Variants in YBEY observed in about 807,000 individuals in gnomAD.
YBEY encodes the protein ybeY metalloendoribonuclease.
YBEY carries 15 observed loss-of-function variants against 13.5 expected under a neutral mutation model. That is an observed-to-expected ratio of 1.11 (90% CI 0.75 to 1.72). The LOEUF is 1.72. Among genes scored for constraint, YBEY ranks in the 40% most tolerant of loss-of-function variants. YBEY has a pLI of 0.00. For missense variants in YBEY, 244 were observed against 208.4 expected, an observed-to-expected ratio of 1.17 and a Z score of -1.05; for synonymous variants, 101 against 83.1, an observed-to-expected ratio of 1.21 and a Z score of -1.17.
At chr21:46,312,171 A>C in the YBEY span, among the ~76,000 whole-genome samples, 1 of 152,126 alleles carries the variant, frequency 6.6e-6, no homozygotes, top group African/African-American at 2.4e-5. Flanking sequence ...ACACTGAATA[A>C]ATGGTTGAAT....
At position 46,292,543 on chromosome 21, in the gene YBEY, TGG is replaced by T. The variant is rs2081763283; in HGVS notation, c.339+1084_339+1085del. 2.7e-5 allele frequency among the ~76,000 whole-genome samples: 4 copies of T among 150,450 alleles called. 1 individual carries two copies. The highest frequency in any genetic ancestry group is 9.8e-5 in the African/African-American group (4 of 40,698). ...AGCTTGGCCTGTGCCCGGGACTGAGTGGGGACAGCCACGCAAGTTAAACTCTA... is the reference window on the plus strand; with the variant it reads ...AGCTTGGCCTGTGCCCGGGACTGAGTGGACAGCCACGCAAGTTAAACTCTA... On this transcript the variant is annotated intron_variant, in intron 3 of 4. Transcript: ENST00000397701.
chr21:46,300,639 C>T, downstream of YBEY: 1 of 1,232,464 alleles, frequency 8.1e-7, no homozygotes, highest in South Asian at 1.4e-5. Flanking sequence ...TCACACCTGC[C>T]CGTCCATGTC....
At chr21:46,302,616 G>A (rs4365550), downstream of YBEY, 50,529 of 1,383,772 alleles carry the variant, frequency 0.037, 1,629 homozygotes, top group Non-Finnish European at 0.041. Context: ...TAAAGTTTCC[G>A]TTTTTCCTAT....
At chr21:46,288,103 GCTT>G (rs146825386) in intron 2 of YBEY, among the ~76,000 whole-genome samples, 7,605 of 152,152 alleles carry the variant, frequency 0.05, 575 homozygotes, top group African/African-American at 0.17. Flanking sequence ...GAAGCAAACT[GCTT>G]CTGCAATATT....
At chr21:46,298,203 C>T (rs1020494568), downstream of YBEY, among the ~76,000 whole-genome samples, 1 of 152,060 alleles carries the variant, frequency 6.6e-6, no homozygotes, top group African/African-American at 2.4e-5. Flanking sequence ...CAATTCTGCT[C>T]ATCTGTTTGT....
chr21:46,291,272 C>A (rs1357911706), intron 2 of YBEY, 62 bp from the exon 3 acceptor site: 5 of 1,603,378 alleles, frequency 3.1e-6, no homozygotes, highest in Non-Finnish European at 4.3e-6. Flanking sequence ...AGGATGAAAC[C>A]TGTCAACCTG....
downstream of YBEY, chr21:46,301,237 G>T: frequency 3.1e-6 from 1 of 324,586 alleles, no homozygotes; most frequent in Non-Finnish European, 4.4e-6. Flanking sequence ...TAACTCCTGG[G>T]CTCAAGCAAT....
the YBEY span, among the ~76,000 whole-genome samples, chr21:46,303,170 A>G: frequency 3.3e-5 from 5 of 151,870 alleles, no homozygotes; most frequent in Admixed American, 6.6e-5. Flanking sequence ...GTCTCAAGAA[A>G]AAAAAAAAAT....
chr21:46,305,587 C>T, the YBEY span, among the ~76,000 whole-genome samples: 1 of 152,054 alleles, frequency 6.6e-6, no homozygotes, highest in Non-Finnish European at 1.5e-5. Flanking sequence ...ATATCAGTCT[C>T]CCAAAGTGCT....
At chr21:46,313,059 A>C in the YBEY span, 1 of 985,464 alleles carries the variant, frequency 1.0e-6, no homozygotes, top group Non-Finnish European at 1.2e-6. Context: ...AAAGGACGGC[A>C]GAGACCAAGA....
chr21:46,307,522 G>T, the YBEY span, among the ~76,000 whole-genome samples: 1 of 152,052 alleles, frequency 6.6e-6, no homozygotes, highest in African/African-American at 2.4e-5. Context: ...TGGAAAAATC[G>T]ACAGGTAATA....
At position 46,290,544 on chromosome 21, in the gene YBEY, G is replaced by C. The variant is rs137890542; in HGVS notation, c.211-790G>C. Among the ~76,000 whole-genome samples the C allele has an allele frequency of 2.1e-3, 315 of 152,164 alleles. 3 individuals carry two copies. The highest frequency in any genetic ancestry group is 0.02 in the Middle Eastern group (6 of 294). ...ACAATGGAAACAATTTAGGGCACTT[G>C]TGTACGGTTGGCTGGGCAACCCACC... On this transcript the variant is annotated intron_variant, in intron 2 of 4. Transcript: ENST00000397701.
chr21:46,287,552 G>A (rs1311701541), intron 2 of YBEY, among the ~76,000 whole-genome samples: 1 of 152,116 alleles, frequency 6.6e-6, no homozygotes, highest in Non-Finnish European at 1.5e-5. Flanking sequence ...GTGCCTATAA[G>A]TATATATGTT....
chr21:46,298,468 G>T (rs1005260505), downstream of YBEY, among the ~76,000 whole-genome samples: 41 of 64,506 alleles, frequency 6.4e-4, no homozygotes, highest in Middle Eastern at 9.8e-3. Flanking sequence ...TCGCTCTGTC[G>T]CCCAGGCTGG....
At chr21:46,302,115 T>C (rs901317676), downstream of YBEY, 57 of 1,521,940 alleles carry the variant, frequency 3.7e-5, no homozygotes, top group Non-Finnish European at 4.8e-5. Context: ...AGCCTTGGCC[T>C]GGCAGCTCGT....
Position 46,296,163 on chromosome 21 carries a change from T to A in YBEY, c.341T>A (p.Val114Glu), listed in dbSNP as rs1397449614. 6.2e-7 allele frequency: 1 copy of A among 1,613,670 alleles called. No homozygotes were observed. The highest frequency in any genetic ancestry group is 8.5e-7 in the Non-Finnish European group (1 of 1,179,994). ...ENEDYNDVLT[V>E]TATHGLCHLL... is the part of the protein sequence containing the mutation. Reference sequence around the variant, plus strand: ...GCCGGTTTAAAATTATTCTGACAGGTGACGGCCACCCACGGACTCTGTCAC... The same window carrying A: ...GCCGGTTTAAAATTATTCTGACAGGAGACGGCCACCCACGGACTCTGTCAC... The change falls in exon 4 of 5, where the codon GTG (valine) becomes GAG (glutamate). Residue 114 changes from valine (V) to glutamate (E), a missense_variant and splice_region_variant. Val to Glu is a moderately radical substitution (Grantham distance 121). Coordinates refer to ENST00000397701, the MANE Select transcript of YBEY (RefSeq NM_001314025.2).
chr21:46,298,365 CTG>C (rs1601609441), downstream of YBEY, among the ~76,000 whole-genome samples: 1 of 151,954 alleles, frequency 6.6e-6, no homozygotes, highest in Non-Finnish European at 1.5e-5. Context: ...GTTCTGTTTA[CTG>C]TGAGACATAG....
At chr21:46,289,441 G>GT (rs773002446) in intron 2 of YBEY, among the ~76,000 whole-genome samples, 8,638 of 135,838 alleles carry the variant, frequency 0.064, 538 homozygotes, top group African/African-American at 0.12. Flanking sequence ...GAAGGCAAGG[G>GT]TTTTGTTTTT....
chr21:46,303,024 C>T, the YBEY span, among the ~76,000 whole-genome samples: 22 of 152,062 alleles, frequency 1.4e-4, no homozygotes, highest in Non-Finnish European at 2.8e-4. Context: ...ATTAGCCAGG[C>T]GTGGTGGTTC....
Sources: allele counts gnomAD v4.1 joint callset (sites outside exome capture counted in the v4.1 genomes callset), GRCh38; gene constraint gnomAD v4.1.1; transcripts MANE v1.5; gene names NCBI Gene and HGNC (gene_info 2026-07-23, HGNC 2026-07-21).